CHAF1A: variants seen among roughly 807,000 people sequenced by gnomAD.
CHAF1A encodes the protein CAF-1 subunit A.
A neutral mutation model predicts 93.2 loss-of-function variants in CHAF1A; 5 were observed. The ratio of observed to expected loss-of-function variants is 0.05; its 90% CI spans 0.03 to 0.11. CHAF1A has a LOEUF of 0.11. Among genes scored for constraint, CHAF1A ranks in the 10% least tolerant of loss-of-function variants. CHAF1A has a pLI of 1.00. For synonymous variants in CHAF1A, 504 were observed against 510.3 expected (o/e 0.99, Z 0.17); for missense variants, 1,102 against 1,259.9 (o/e 0.87, Z 1.90).
chr19:4,411,172 A>G (rs1313830766), intron 3 of CHAF1A, among the ~76,000 whole-genome samples: 1 of 152,100 alleles, frequency 6.6e-6, no homozygotes, highest in Non-Finnish European at 1.5e-5. Flanking sequence ...ACAGTAGACC[A>G]CCTGGACCAT....
At chr19:4,446,624 C>T (rs141014666), downstream of CHAF1A, 2,180 of 1,612,480 alleles carry the variant, frequency 1.4e-3, 15 homozygotes, top group Middle Eastern at 0.035. Context: ...TTGGCGCGCA[C>T]GGGCTCCGCA....
intron 13 of CHAF1A, among the ~76,000 whole-genome samples, chr19:4,434,220 C>T (rs931005534): frequency 2.4e-4 from 37 of 152,074 alleles, no homozygotes; most frequent in African/African-American, 8.5e-4. Flanking sequence ...GTGGCATGCA[C>T]CTGTAGTCTC....
At chr19:4,418,109 C>T (rs760991965) in intron 4 of CHAF1A, 33 bp downstream of exon 4, 6 of 1,474,318 alleles carry the variant, frequency 4.1e-6, no homozygotes, top group Non-Finnish European at 5.6e-6. Flanking sequence ...GAAAATTAAC[C>T]TGCTGTGCTT....
chr19:4,427,039 C>T (rs564269609), intron 7 of CHAF1A, among the ~76,000 whole-genome samples: 148 of 147,716 alleles, frequency 1.0e-3, no homozygotes, highest in Middle Eastern at 3.5e-3. Context: ...TGCAGTGAGC[C>T]GAGATTGCAC....
rs575296074 is a variant in CHAF1A at position 4,414,097 on chromosome 19, T to C, written c.961-3923T>C. On this transcript the variant is annotated intron_variant, in intron 3 of 14. Coordinates refer to ENST00000301280, the MANE Select transcript of CHAF1A (RefSeq NM_005483.3). ...TTGAAATTACATTTGTAATAAATTC[T>C]CCATGTTTAAAAGAAATACTGGTCT... 7.9e-5 allele frequency among the ~76,000 whole-genome samples: 12 copies of C among 152,282 alleles called. No homozygotes were observed. In the East Asian group the frequency reaches 2.3e-3, roughly 29 times the overall value.
Position 4,422,783 on chromosome 19 carries a change from A to T in CHAF1A, c.1235A>T (p.Gln412Leu). 1 of 1,612,600 alleles carries T rather than the reference A, an allele frequency of 6.2e-7. No homozygotes were observed. The highest frequency in any genetic ancestry group is 8.5e-7 in the Non-Finnish European group (1 of 1,179,778). Residue 412 changes from glutamine (Q) to leucine (L), a missense_variant, in exon 5 of 15, where the codon CAG (glutamine) becomes CTG (leucine). Transcript: ENST00000301280. The surrounding 1 kb of genome is among the most constrained non-coding windows in gnomAD (Gnocchi z 4.6). ...AAGGAGGAGCGGCGCAAGGAGAGAC[A>T]GGAAGCCCTGGAGTGAGTGTCCTTG... Reference protein sequence around the residue: ...RLKEERRKERQEALEAKLEEK... With the variant: ...RLKEERRKERLEALEAKLEEK...
downstream of CHAF1A, chr19:4,448,192 G>A (rs373243636): frequency 4.4e-4 from 368 of 839,116 alleles, 3 homozygotes; most frequent in South Asian, 5.3e-3. Flanking sequence ...CCTCACTCTC[G>A]GCCTATGCTC....
chr19:4,447,480 A>G (rs1599674849), downstream of CHAF1A: 7 of 1,565,808 alleles, frequency 4.5e-6, no homozygotes, highest in East Asian at 1.1e-4. Flanking sequence ...GGTGTGGGCC[A>G]CCACCGGCTC....
chr19:4,406,498 G>C, intron 2 of CHAF1A, among the ~76,000 whole-genome samples: 1 of 149,810 alleles, frequency 6.7e-6, no homozygotes, highest in Non-Finnish European at 1.5e-5. Context: ...GCAGTGGTGC[G>C]ATCTCTGCTC....
chr19:4,442,889 C>T lies in CHAF1A; in HGVS notation c.2771-36C>T, dbSNP rs747750901. On this transcript the variant is annotated intron_variant, in intron 14 of 14. Coordinates refer to ENST00000301280, the MANE Select transcript of CHAF1A (RefSeq NM_005483.3). Reference sequence around the variant, plus strand: ...CTTCCCCCAGGGAGCCCAGAGGGCCCAGCCAGCTCAAGACCCTCCCTCTCT... The same window carrying T: ...CTTCCCCCAGGGAGCCCAGAGGGCCTAGCCAGCTCAAGACCCTCCCTCTCT... The T allele has an allele frequency of 1.3e-5, 19 of 1,471,260 alleles. No individual in the cohort carries two copies. The Admixed American group carries it at 4.2e-4, about 32-fold the overall frequency. 91.1% of individuals were successfully genotyped at this position (1,471,260 alleles called of 1,614,324 possible). A position where few individuals can be genotyped will look rare whatever the true frequency, so the allele number is the denominator to read the frequency against.
At chr19:4,450,524 C>T in the CHAF1A span, 1 of 151,960 alleles carries the variant, frequency 6.6e-6, no homozygotes, top group African/African-American at 2.4e-5. Flanking sequence ...TTTGGGAGGC[C>T]GAGGCGGGCG....
At chr19:4,437,347 C>T (rs553434065) in intron 13 of CHAF1A, among the ~76,000 whole-genome samples, 2 of 152,016 alleles carry the variant, frequency 1.3e-5, no homozygotes, top group African/African-American at 2.4e-5. Flanking sequence ...GGACATGTGC[C>T]CTGGCATCCT....
At chr19:4,412,075 A>T (rs1157868643) in intron 3 of CHAF1A, among the ~76,000 whole-genome samples, 4 of 152,214 alleles carry the variant, frequency 2.6e-5, no homozygotes, top group African/African-American at 9.7e-5. Flanking sequence ...TAAATGTGCC[A>T]GACTGGCATG....
Position 4,422,707 on chromosome 19 carries a change from C to T in CHAF1A, c.1159C>T (p.Arg387Trp), listed in dbSNP as rs201144491. ...GAAGGAGCTTAAGGAAAAGGAGAGG[C>T]GGGAGAAGCGGGAGAAGGATGAGAA... Reference protein sequence around the residue: ...EEKELKEKERREKREKDEKEK... With the variant: ...EEKELKEKERWEKREKDEKEK... Residue 387 changes from arginine to tryptophan, a missense_variant, in exon 5 of 15, where the codon CGG becomes TGG. Arg to Trp is a moderately radical substitution (Grantham distance 101). Transcript: ENST00000301280. This position sits in a 1 kb window ranked among gnomAD's most constrained non-coding sequence, Gnocchi z 4.6. 31 of 1,601,118 alleles carry T rather than the reference C, an allele frequency of 1.9e-5. No individual in the cohort carries two copies. In the Admixed American group the frequency reaches 2.6e-4, roughly 14 times the overall value.
chr19:4,403,441 C>A (rs1973623799), intron 1 of CHAF1A, among the ~76,000 whole-genome samples: 1 of 152,268 alleles, frequency 6.6e-6, no homozygotes, highest in Non-Finnish European at 1.5e-5. Flanking sequence ...GACTGTCCCT[C>A]TCCCTTGCTG....
chr19:4,442,414 T>A, intron 14 of CHAF1A, 73 bp downstream of exon 14: 19 of 1,262,558 alleles, frequency 1.5e-5, no homozygotes, highest in Non-Finnish European at 2.1e-5. Context: ...AGAGAAGGGA[T>A]GGGGCTGCCT....
Position 4,432,181 on chromosome 19 carries a change from C to T in CHAF1A, c.2177C>T (p.Ser726Phe), listed in dbSNP as rs755512513. 2.5e-6 allele frequency: 4 copies of T among 1,610,470 alleles called. No individual in the cohort carries two copies. The highest frequency in any genetic ancestry group is 2.7e-5 in the African/African-American group (2 of 74,802). ...PAQEEQTPKA[S>F]KRERRDEQIL... ...CAGGAGGAGCAGACGCCCAAGGCCT[C>T]CAAGCGGGAGAGGAGAGACGAGCAG... Residue 726 changes from serine to phenylalanine, a missense_variant, in exon 12 of 15, where the codon TCC (serine) becomes TTC (phenylalanine). Coordinates refer to ENST00000301280, the MANE Select transcript of CHAF1A (RefSeq NM_005483.3).
chr19:4,447,354 G>T, downstream of CHAF1A: 1 of 608,902 alleles, frequency 1.6e-6, no homozygotes, highest in Non-Finnish European at 2.9e-6. Flanking sequence ...TGTTGATTTG[G>T]GGTGACCGGT....
intron 3 of CHAF1A, among the ~76,000 whole-genome samples, chr19:4,411,330 A>G (rs890800977): frequency 6.6e-5 from 10 of 152,144 alleles, no homozygotes; most frequent in African/African-American, 2.2e-4. Flanking sequence ...CTTGGGTTCA[A>G]GCAATTCTCC....
Sources: allele counts gnomAD v4.1 joint callset (sites outside exome capture counted in the v4.1 genomes callset), GRCh38; gene constraint gnomAD v4.1.1; non-coding constraint Gnocchi (gnomAD v3.1); transcripts MANE v1.5; gene names NCBI Gene and HGNC (gene_info 2026-07-23, HGNC 2026-07-21).